FBRSL1: variants seen among roughly 807,000 people sequenced by gnomAD.
FBRSL1 encodes the protein fibrosin-1-like protein.
Under a neutral mutation model 89.6 loss-of-function variants are expected in FBRSL1, and 51 were observed. The ratio of observed to expected loss-of-function variants is 0.57; its 90% CI spans 0.45 to 0.72. FBRSL1 has a LOEUF of 0.72. Ranked by LOEUF, FBRSL1 falls within the 30% of genes least tolerant of loss-of-function variation. The pLI, the probability that FBRSL1 is intolerant of heterozygous loss-of-function variation, is 0.00. For synonymous variants in FBRSL1, 779 were observed against 681.1 expected (o/e 1.14, Z -2.24); for missense variants, 1,618 against 1,451.8 (o/e 1.11, Z -1.86).
chr12:132,507,057 C>T (rs534495646), intron 1 of FBRSL1: 194 of 323,074 alleles, frequency 6.0e-4, no homozygotes, highest in African/African-American at 4.1e-3. Flanking sequence ...TTGTCTCTGT[C>T]GTCTGCCCTT....
chr12:132,559,992 CCCGCG>C (rs1048169824), intron 5 of FBRSL1: 16 of 147,868 alleles, frequency 1.1e-4, no homozygotes, highest in African/African-American at 3.9e-4. Flanking sequence ...CGCCTCGGGG[CCCGCG>C]CCGCGCCCGA....
intron 1 of FBRSL1, among the ~76,000 whole-genome samples, chr12:132,506,558 G>GT (rs2033711265): frequency 6.6e-6 from 1 of 152,264 alleles, no homozygotes; most frequent in Non-Finnish European, 1.5e-5. Context: ...ACTGTGAAAG[G>GT]TAACACCTTG....
At chr12:132,582,320 C>G in intron 18 of FBRSL1, 54 bp downstream of exon 18, 3 of 1,425,876 alleles carry the variant, frequency 2.1e-6, no homozygotes, top group Non-Finnish European at 1.9e-6. Flanking sequence ...CCCGTTCTTT[C>G]CCCCCTCCCG....
At chr12:132,520,905 A>G (rs1364082044) in intron 2 of FBRSL1, among the ~76,000 whole-genome samples, 1 of 152,210 alleles carries the variant, frequency 6.6e-6, no homozygotes, top group Non-Finnish European at 1.5e-5. Context: ...GTGGGCTCCC[A>G]AAACAGGCAG....
At chr12:132,515,180 T>C (rs1284693416) in intron 2 of FBRSL1, among the ~76,000 whole-genome samples, 4 of 152,154 alleles carry the variant, frequency 2.6e-5, no homozygotes, top group Admixed American at 6.5e-5. Flanking sequence ...GGCCAGAGTG[T>C]CCTGCCGAGA....
intron 1 of FBRSL1, among the ~76,000 whole-genome samples, chr12:132,497,186 G>C (rs990136875): frequency 1.3e-5 from 2 of 152,204 alleles, no homozygotes; most frequent in African/African-American, 4.8e-5. Flanking sequence ...TCAGCACCTG[G>C]ACAGAATACT....
At chr12:132,551,304 G>A (rs1455017978) in intron 5 of FBRSL1, 2 of 432,248 alleles carry the variant, frequency 4.6e-6, no homozygotes, top group South Asian at 3.2e-5. Context: ...ACTCAGACCT[G>A]GGAGGCCCAT....
At chr12:132,581,207 C>T (rs954399431) in intron 15 of FBRSL1, 3 of 985,300 alleles carry the variant, frequency 3.0e-6, no homozygotes, top group Non-Finnish European at 3.6e-6. Context: ...TCCCTGCCCC[C>T]CTTGGGGTCC....
chr12:132,522,023 A>G (rs1375921935), intron 2 of FBRSL1, among the ~76,000 whole-genome samples: 4 of 151,868 alleles, frequency 2.6e-5, no homozygotes, highest in African/African-American at 2.4e-5. Context: ...GGGTGTGTGT[A>G]TGCAGCCAGC....
intron 14 of FBRSL1, among the ~76,000 whole-genome samples, chr12:132,575,986 C>T (rs2040358410): frequency 6.6e-6 from 1 of 152,208 alleles, no homozygotes; most frequent in Non-Finnish European, 1.5e-5. Context: ...ATGGGCATCC[C>T]CAGTCTCCAC....
chr12:132,569,093 C>T (rs1193420600), intron 6 of FBRSL1, among the ~76,000 whole-genome samples: 1 of 152,104 alleles, frequency 6.6e-6, no homozygotes, highest in East Asian at 1.9e-4. Context: ...CTGACCGTGG[C>T]AGCTCCTGAC....
chr12:132,519,293 T>C (rs2035138043), intron 2 of FBRSL1, among the ~76,000 whole-genome samples: 1 of 152,172 alleles, frequency 6.6e-6, no homozygotes, highest in African/African-American at 2.4e-5. Flanking sequence ...CTGGAGGAGC[T>C]CTTTACCTAG....
intron 1 of FBRSL1, among the ~76,000 whole-genome samples, chr12:132,496,671 G>C (rs1360218954): frequency 6.6e-6 from 1 of 152,240 alleles, no homozygotes; most frequent in East Asian, 1.9e-4. Context: ...CAGAGCGTGA[G>C]GATTGGTGTT....
At chr12:132,575,296 C>T (rs1421180962) in intron 14 of FBRSL1, among the ~76,000 whole-genome samples, 3 of 152,320 alleles carry the variant, frequency 2.0e-5, no homozygotes, top group South Asian at 2.1e-4. Context: ...GGCGCGATCT[C>T]GGCTCACTGC....
At chr12:132,531,852 G>C (rs987820019) in intron 4 of FBRSL1, among the ~76,000 whole-genome samples, 36 of 152,360 alleles carry the variant, frequency 2.4e-4, no homozygotes, top group Admixed American at 6.5e-5. Context: ...ACCATCCTTA[G>C]AGTGGTGTAA....
chr12:132,535,771 G>T (rs995028899), intron 4 of FBRSL1, among the ~76,000 whole-genome samples: 6 of 152,252 alleles, frequency 3.9e-5, no homozygotes, highest in African/African-American at 1.4e-4. Context: ...ATGACAGTGT[G>T]AGTGCACGTG....
At chr12:132,527,276 C>G (rs915003367) in intron 3 of FBRSL1, among the ~76,000 whole-genome samples, 2 of 152,336 alleles carry the variant, frequency 1.3e-5, no homozygotes, top group South Asian at 4.1e-4. Flanking sequence ...CCTGGGCTGA[C>G]CTCCCCCAGG....
intron 4 of FBRSL1, among the ~76,000 whole-genome samples, chr12:132,547,625 C>T (rs1270419253): frequency 6.6e-6 from 1 of 152,196 alleles, no homozygotes; most frequent in Non-Finnish European, 1.5e-5. Flanking sequence ...AGGCTGCCCT[C>T]CTTCCTGGTG....
At chr12:132,569,845 CACGT>C in intron 6 of FBRSL1, 77 bp from the exon 7 acceptor site, 3 of 1,105,926 alleles carry the variant, frequency 2.7e-6, no homozygotes, top group Non-Finnish European at 3.6e-6. Context: ...GGGCACCGGG[CACGT>C]ACCAGGGCTC....
Sources: gnomAD v4.1 joint callset for allele counts (sites outside exome capture counted in the v4.1 genomes callset) on GRCh38, gnomAD v4.1.1 for gene constraint, MANE v1.5 for transcripts, NCBI Gene and HGNC (gene_info 2026-07-23, HGNC 2026-07-21) for gene names.